The following NFAM1 variants were observed in gnomAD, a reference collection of about 807,000 sequenced individuals.
NFAM1 encodes NFAT activating protein with ITAM motif 1, also known as NFAT activation molecule 1.
In NFAM1, 17 loss-of-function variants were observed where a neutral mutation model predicts 29.0. That is an observed-to-expected ratio of 0.59 (90% CI 0.40 to 0.88). NFAM1 has a LOEUF of 0.88. Among genes scored for constraint, NFAM1 ranks in the 40% least tolerant of loss-of-function variants. The probability of loss-of-function intolerance (pLI) is 0.00; values close to 1 mark genes in which losing one functional copy is unlikely to be tolerated. For synonymous variants in NFAM1, 175 were observed against 147.2 expected, an observed-to-expected ratio of 1.19 and a Z score of -1.36; for missense variants, 324 against 344.6, an observed-to-expected ratio of 0.94 and a Z score of 0.47.
intron 3 of NFAM1, among the ~76,000 whole-genome samples, chr22:42,399,617 C>T (rs1929660545): frequency 6.6e-6 from 1 of 152,136 alleles, no homozygotes; most frequent in African/African-American, 2.4e-5. Context: ...AGGGTCAGAG[C>T]TGTGCTGGAG....
chr22:42,432,560 A>G (rs950584306), upstream of NFAM1: 5 of 252,310 alleles, frequency 2.0e-5, no homozygotes, highest in Non-Finnish European at 3.1e-5. Flanking sequence ...CACAACCAGA[A>G]GAAGAGCTGG....
upstream of NFAM1, among the ~76,000 whole-genome samples, chr22:42,437,323 A>C (rs1930965604): frequency 6.6e-6 from 1 of 151,842 alleles, no homozygotes; most frequent in Admixed American, 6.6e-5. Flanking sequence ...TGTATTTTTT[A>C]GTAGAGACGG....
chr22:42,382,643 G>A lies in NFAM1; in HGVS notation c.*2518C>T, dbSNP rs553691588. The A allele has an allele frequency of 3.3e-5, 5 of 152,318 alleles. No individual in the cohort carries two copies. The highest frequency in any genetic ancestry group is 2.1e-4 in the South Asian group (1 of 4,808). 9.4% of individuals were successfully genotyped at this position (152,318 alleles called of 1,614,324 possible). On this transcript the variant is annotated 3_prime_UTR_variant, in exon 6 of 6. Coordinates refer to ENST00000329021, the MANE Select transcript of NFAM1 (RefSeq NM_145912.8). ...ACCCTGAAGTTCCCTGCCACCCCTCGCCCTGTGCCAGCTTGTCTCTGCAGG... is the reference window on the plus strand; with the variant it reads ...ACCCTGAAGTTCCCTGCCACCCCTCACCCTGTGCCAGCTTGTCTCTGCAGG...
chr22:42,427,304 C>T (rs1276120646), intron 1 of NFAM1, among the ~76,000 whole-genome samples: 1 of 152,116 alleles, frequency 6.6e-6, no homozygotes, highest in Non-Finnish European at 1.5e-5. Context: ...CAGGGGGTCT[C>T]ATTACCCTAC....
chr22:42,432,422 T>C, upstream of NFAM1: 1 of 1,470,498 alleles, frequency 6.8e-7, no homozygotes, highest in Non-Finnish European at 9.0e-7. Context: ...CGCTGACAGC[T>C]TCCCCTTTGC....
At position 42,421,968 on chromosome 22, in the gene NFAM1, C is replaced by T. The variant is rs1417566009; in HGVS notation, c.122-10232G>A. Reference sequence around the variant, plus strand: ...AGGACACAGGCATCAAATGCAAAAGCGTGTGGCCAAGTGGCTGGTGAGGGA... The same window carrying T: ...AGGACACAGGCATCAAATGCAAAAGTGTGTGGCCAAGTGGCTGGTGAGGGA... On this transcript the variant is annotated intron_variant, in intron 1 of 5. Coordinates refer to ENST00000329021, the MANE Select transcript of NFAM1 (RefSeq NM_145912.8). Among the ~76,000 whole-genome samples the T allele has an allele frequency of 3.3e-5, 5 of 152,236 alleles. 1 individual carries two copies. Among genetic ancestry groups the T allele is most frequent in the South Asian group, 4.1e-4 (2 of 4,832 alleles).
rs1930004988 is a variant in NFAM1 at position 42,409,391 on chromosome 22, T to A, written c.564+44A>T. Reference sequence around the variant, plus strand: ...GAGGGCAGGCGGGCAGCCGGTGGCGTGTCGGGTGGAGGGGCTGCATGGCTG... The same window carrying A: ...GAGGGCAGGCGGGCAGCCGGTGGCGAGTCGGGTGGAGGGGCTGCATGGCTG... On this transcript the variant is annotated intron_variant, in intron 3 of 5. Coordinates refer to ENST00000329021, the MANE Select transcript of NFAM1 (RefSeq NM_145912.8). The surrounding 1 kb of genome is among the most constrained non-coding windows in gnomAD (Gnocchi z 4.9). The A allele has an allele frequency of 2.8e-6, 3 of 1,090,682 alleles. No individual in the cohort carries two copies. The South Asian group carries it at 5.5e-5, about 20-fold the overall frequency. 67.6% of individuals were successfully genotyped at this position (1,090,682 alleles called of 1,614,324 possible).
At chr22:42,421,969 G>A (rs1404141547) in intron 1 of NFAM1, among the ~76,000 whole-genome samples, 11 of 152,240 alleles carry the variant, frequency 7.2e-5, no homozygotes, top group Non-Finnish European at 2.9e-5. Flanking sequence ...ATGCAAAAGC[G>A]TGTGGCCAAG....
At chr22:42,397,827 G>C (rs759578810) in intron 4 of NFAM1, 31 bp downstream of exon 4, 3 of 1,235,676 alleles carry the variant, frequency 2.4e-6, no homozygotes, top group Admixed American at 3.4e-5. Context: ...GCCTGAAAGA[G>C]GTGGAGGGAG....
At chr22:42,426,820 T>G (rs1930638562) in intron 1 of NFAM1, among the ~76,000 whole-genome samples, 1 of 152,090 alleles carries the variant, frequency 6.6e-6, no homozygotes, top group Non-Finnish European at 1.5e-5. Flanking sequence ...CGACCGAAGA[T>G]GAGCACTGAG....
At chr22:42,391,831 G>C (rs1456085676) in intron 4 of NFAM1, among the ~76,000 whole-genome samples, 1 of 151,384 alleles carries the variant, frequency 6.6e-6, no homozygotes, top group African/African-American at 2.4e-5. Flanking sequence ...TGTAATCCCA[G>C]CTACTCAGGA....
In NFAM1 at chr22:42,396,384, T is replaced by C. The variant is rs117068321; in HGVS notation, c.663+1474A>G. Among the ~76,000 whole-genome samples the C allele has an allele frequency of 2.6e-3, 397 of 152,302 alleles. 16 individuals are homozygous for C. The East Asian group carries it at 0.07, about 27-fold the overall frequency. ...GTGTGAGTGCGTATGGGTTTCTTTG[T>C]ATATATTTATAGAAAAAATACTGGA... On this transcript the variant is annotated intron_variant, in intron 4 of 5. Transcript: ENST00000329021.
In NFAM1 at chr22:42,380,808, G is replaced by A. The variant is rs112524849; in HGVS notation, c.*4353C>T. The stretch of plus-strand genomic sequence containing the variant: ...ATGTGCTTTAACAAAAAAAAAAAGA[G>A]AGAGAGAGAGAAAGAAAAAGGAAAA... On this transcript the variant is annotated 3_prime_UTR_variant, in exon 6 of 6. Transcript: ENST00000329021. The A allele has an allele frequency of 2.0e-5, 3 of 150,802 alleles. No homozygotes were observed. The highest frequency in any genetic ancestry group is 7.3e-5 in the African/African-American group (3 of 41,328). 9.3% of individuals were successfully genotyped at this position (150,802 alleles called of 1,614,324 possible).
In NFAM1 at chr22:42,405,606, AG is replaced by A. The variant is rs1374750896; in HGVS notation, c.564+3828del. 3.3e-5 allele frequency among the ~76,000 whole-genome samples: 5 copies of A among 152,214 alleles called. No individual in the cohort carries two copies. The South Asian group carries it at 6.2e-4, about 19-fold the overall frequency. Reference sequence around the variant, plus strand: ...GGTGCATACTCGTGCTGGCTTGGGGAGGGAGGCAGCCTGAAGCCAGTGGGTC... The same window carrying A: ...GGTGCATACTCGTGCTGGCTTGGGGAGGAGGCAGCCTGAAGCCAGTGGGTC... On this transcript the variant is annotated intron_variant, in intron 3 of 5. Coordinates refer to ENST00000329021, the MANE Select transcript of NFAM1 (RefSeq NM_145912.8).
intron 1 of NFAM1, among the ~76,000 whole-genome samples, chr22:42,415,762 T>C (rs1172320275): frequency 6.6e-6 from 1 of 152,138 alleles, no homozygotes; most frequent in Non-Finnish European, 1.5e-5. Flanking sequence ...CGGTCCCCCG[T>C]GAAGGCACAG....
chr22:42,408,134 T>C (rs1929962246), intron 3 of NFAM1, among the ~76,000 whole-genome samples: 2 of 152,104 alleles, frequency 1.3e-5, no homozygotes. Context: ...CCTCAAGTGA[T>C]CCACCCACCT....
chr22:42,393,168 A>C (rs71329139), intron 4 of NFAM1, among the ~76,000 whole-genome samples: 1 of 152,180 alleles, frequency 6.6e-6, no homozygotes, highest in Non-Finnish European at 1.5e-5. Context: ...GCAAGAATTG[A>C]CAATAATTAA....
chr22:42,387,227 T>C, intron 4 of NFAM1, 149 bp from the exon 5 acceptor site: 2 of 497,986 alleles, frequency 4.0e-6, no homozygotes, highest in Non-Finnish European at 7.1e-6. Flanking sequence ...TGCCACCCCC[T>C]TTCCCAGAGT....
At chr22:42,408,389 C>T (rs532307817) in intron 3 of NFAM1, among the ~76,000 whole-genome samples, 203 of 152,310 alleles carry the variant, frequency 1.3e-3, no homozygotes, top group Non-Finnish European at 2.4e-3. Flanking sequence ...CCCAGGGAGA[C>T]CCCAATGATG....
Sources: gnomAD v4.1 joint callset for allele counts (sites outside exome capture counted in the v4.1 genomes callset) on GRCh38, gnomAD v4.1.1 for gene constraint, Gnocchi (gnomAD v3.1) non-coding constraint, MANE v1.5 for transcripts, NCBI Gene and HGNC (gene_info 2026-07-23, HGNC 2026-07-21) for gene names.